B3GALT1: variants seen among roughly 807,000 people sequenced by gnomAD.
B3GALT1 encodes the protein beta-1,3-galactosyltransferase 1, also known as UDP-Gal:betaGlcNAc beta 1,3-galactosyltransferase, polypeptide 1.
B3GALT1 carries 10 observed loss-of-function variants against 23.2 expected under a neutral mutation model. The ratio of observed to expected loss-of-function variants is 0.43; its 90% CI spans 0.27 to 0.73. B3GALT1 has a LOEUF of 0.73. Ranked by LOEUF, B3GALT1 falls within the 30% of genes least tolerant of loss-of-function variation. The pLI, the probability that B3GALT1 is intolerant of heterozygous loss-of-function variation, is 0.21. For missense variants in B3GALT1, 299 were observed against 405.4 expected (o/e 0.74, Z 2.25); for synonymous variants, 156 against 141.5 (o/e 1.10, Z -0.73).
intron 1 of B3GALT1, among the ~76,000 whole-genome samples, chr2:167,488,226 G>A (rs977889497): frequency 1.3e-5 from 2 of 152,128 alleles, no homozygotes; most frequent in Non-Finnish European, 2.9e-5. Flanking sequence ...AGCACACATT[G>A]GCTTAGGGTT....
At chr2:167,448,386 T>C (rs1316691712) in intron 1 of B3GALT1, among the ~76,000 whole-genome samples, 2 of 152,208 alleles carry the variant, frequency 1.3e-5, no homozygotes, top group African/African-American at 2.4e-5. Context: ...TTTTTTAATA[T>C]GTTTGTTGTA....
intron 2 of B3GALT1, among the ~76,000 whole-genome samples, chr2:167,567,769 A>T (rs183165324): frequency 4.2e-4 from 64 of 152,152 alleles, no homozygotes; most frequent in Admixed American, 2.0e-3. Flanking sequence ...TTACATTAGG[A>T]TTCACTCTTG....
In B3GALT1 at chr2:167,530,379, A is replaced by G. The variant is rs141076335; in HGVS notation, c.-410+40102A>G. On this transcript the variant is annotated intron_variant, in intron 2 of 4. Transcript: ENST00000392690. The stretch of plus-strand genomic sequence containing the variant: ...AGTTGCATGAAGGCATAGGCTTCCT[A>G]TAACTCCCTTGCTCCTAAGATCAGT... Among the ~76,000 whole-genome samples the G allele has an allele frequency of 7.2e-5, 11 of 152,276 alleles. No homozygotes were observed. In the East Asian group the frequency reaches 1.5e-3, roughly 21 times the overall value.
rs149365341 is a variant in B3GALT1, at chr2:167,549,469, A to C, written c.-410+59192A>C. 1.0e-3 allele frequency among the ~76,000 whole-genome samples: 153 copies of C among 152,308 alleles called. 1 individual carries two copies. Among genetic ancestry groups the C allele is most frequent in the Non-Finnish European group, 1.7e-3 (113 of 68,020 alleles). On this transcript the variant is annotated intron_variant, in intron 2 of 4. Coordinates refer to ENST00000392690, the MANE Select transcript of B3GALT1 (RefSeq NM_020981.4). The stretch of plus-strand genomic sequence containing the variant: ...CTTCAGACGAGTTCCTGACAACAAG[A>C]AGCTTCCCATTAAAGTCATTAATAC...
Position 167,338,963 on chromosome 2 carries a change from TTAATC to T in B3GALT1, c.-511+45631_-511+45635del, listed in dbSNP as rs1697104805. ...AGATTGGCGAAATTACAGAGGCTGA[TTAATC>T]TTAGTATTTGTGAGGCTGTAGAGGA... On this transcript the variant is annotated intron_variant, in intron 1 of 4. Coordinates refer to ENST00000392690, the MANE Select transcript of B3GALT1 (RefSeq NM_020981.4). Among the ~76,000 whole-genome samples the T allele has an allele frequency of 1.3e-5, 2 of 152,134 alleles. 1 individual carries two copies. The highest frequency in any genetic ancestry group is 6.3e-3 in the Middle Eastern group (2 of 316).
intron 2 of B3GALT1, among the ~76,000 whole-genome samples, chr2:167,491,500 T>C (rs1574101584): frequency 6.7e-6 from 1 of 149,580 alleles, no homozygotes; most frequent in East Asian, 2.0e-4. Context: ...TTTTTTTTTT[T>C]CATTAACAGA....
At chr2:167,342,893 G>A (rs1380830826) in intron 1 of B3GALT1, among the ~76,000 whole-genome samples, 1 of 151,960 alleles carries the variant, frequency 6.6e-6, no homozygotes, top group Admixed American at 6.6e-5. Flanking sequence ...TATGCTTCTT[G>A]GCTCTTAAGT....
At chr2:167,362,696 T>C (rs1445572021) in intron 1 of B3GALT1, among the ~76,000 whole-genome samples, 3 of 152,114 alleles carry the variant, frequency 2.0e-5, no homozygotes, top group African/African-American at 7.2e-5. Flanking sequence ...TTAATTTTTT[T>C]CCTCTTGTCT....
intron 2 of B3GALT1, among the ~76,000 whole-genome samples, chr2:167,592,925 G>A (rs1684709143): frequency 6.6e-6 from 1 of 152,170 alleles, no homozygotes; most frequent in Admixed American, 6.5e-5. Flanking sequence ...GAAAAAAGAT[G>A]GTCAGTGTCA....
chr2:167,712,374 G>A (rs207462638), intron 3 of B3GALT1, among the ~76,000 whole-genome samples: 11 of 151,604 alleles, frequency 7.3e-5, no homozygotes, highest in African/African-American at 2.4e-4. Context: ...ATGAAGAAAT[G>A]GGAATAAAAA....
intron 3 of B3GALT1, among the ~76,000 whole-genome samples, chr2:167,751,456 G>A (rs1288126851): frequency 2.0e-5 from 3 of 152,214 alleles, no homozygotes; most frequent in African/African-American, 7.2e-5. Context: ...GGAGGAAATA[G>A]TCTGTCTGTG....
intron 1 of B3GALT1, among the ~76,000 whole-genome samples, chr2:167,305,977 T>C (rs1696545980): frequency 6.6e-6 from 1 of 152,088 alleles, no homozygotes; most frequent in Non-Finnish European, 1.5e-5. Context: ...CAGATACTCT[T>C]TGGTGCAATT....
At chr2:167,354,215 A>G (rs1017975605) in intron 1 of B3GALT1, among the ~76,000 whole-genome samples, 1 of 152,208 alleles carries the variant, frequency 6.6e-6, no homozygotes, top group African/African-American at 2.4e-5. Context: ...ATCAGACAGT[A>G]GTGCCATGAT....
chr2:167,440,211 C>T (rs557033021), intron 1 of B3GALT1, among the ~76,000 whole-genome samples: 15 of 151,476 alleles, frequency 9.9e-5, no homozygotes, highest in Non-Finnish European at 1.9e-4. Context: ...GGCGTGGTGG[C>T]GGGCGCCTGT....
rs562239860 is a variant in B3GALT1 at position 167,566,033 on chromosome 2, T to TA, written c.-410+75757dup. On this transcript the variant is annotated intron_variant, in intron 2 of 4. Coordinates refer to ENST00000392690, the MANE Select transcript of B3GALT1 (RefSeq NM_020981.4). Reference sequence around the variant, plus strand: ...CCCAAAGGACTATAAATCATGCTGCTATAAAGACACATGCATACATATGTT... The same window carrying TA: ...CCCAAAGGACTATAAATCATGCTGCTAATAAAGACACATGCATACATATGTT... Among the ~76,000 whole-genome samples, 30 of 152,120 alleles carry TA rather than the reference T, an allele frequency of 2.0e-4. No individual in the cohort carries two copies. In the East Asian group the frequency reaches 4.7e-3, roughly 24 times the overall value.
rs1362163179 is a variant in B3GALT1, at chr2:167,560,777, C to G, written c.-410+70500C>G. Among the ~76,000 whole-genome samples, 25 of 152,074 alleles carry G rather than the reference C, an allele frequency of 1.6e-4. 1 individual carries two copies. Among genetic ancestry groups the G allele is most frequent in the Admixed American group, 1.6e-3 (25 of 15,276 alleles). On this transcript the variant is annotated intron_variant, in intron 2 of 4. Coordinates refer to ENST00000392690, the MANE Select transcript of B3GALT1 (RefSeq NM_020981.4). ...CTAACTGTCCTAAATATATATGCAC[C>G]CAATACAGGGGCACCCAGATCCATA... is the stretch of plus-strand genomic sequence containing the variant.
At chr2:167,800,471 T>C (rs1688621446) in intron 3 of B3GALT1, among the ~76,000 whole-genome samples, 2 of 152,190 alleles carry the variant, frequency 1.3e-5, no homozygotes, top group South Asian at 2.1e-4. Context: ...TGAAACTTTC[T>C]TCCCAACAGA....
chr2:167,605,571 A>G (rs1684948990), intron 2 of B3GALT1, among the ~76,000 whole-genome samples: 1 of 152,206 alleles, frequency 6.6e-6, no homozygotes, highest in South Asian at 2.1e-4. Context: ...AGTTCAAAAA[A>G]GAAGTGTTCC....
chr2:167,749,532 A>G (rs969156675), intron 3 of B3GALT1, among the ~76,000 whole-genome samples: 4 of 152,214 alleles, frequency 2.6e-5, no homozygotes, highest in African/African-American at 9.6e-5. Flanking sequence ...CAATAACTAT[A>G]TATTTTAATC....
Sources: allele counts gnomAD v4.1 joint callset (sites outside exome capture counted in the v4.1 genomes callset), GRCh38; gene constraint gnomAD v4.1.1; transcripts MANE v1.5; gene names NCBI Gene and HGNC (gene_info 2026-07-23, HGNC 2026-07-21).